Variants in RNF144B observed in about 807,000 individuals in gnomAD.
RNF144B encodes the protein E3 ubiquitin-protein ligase RNF144B.
RNF144B carries 25 observed loss-of-function variants against 40.2 expected under a neutral mutation model. That is an observed-to-expected ratio of 0.62 (90% CI 0.45 to 0.87). RNF144B has a LOEUF of 0.87. Ranked by LOEUF, RNF144B falls within the 40% of genes least tolerant of loss-of-function variation. The pLI, the probability that RNF144B is intolerant of heterozygous loss-of-function variation, is 0.00. For synonymous variants in RNF144B, 145 were observed against 136.3 expected, an observed-to-expected ratio of 1.06 and a Z score of -0.44; for missense variants, 365 against 373.7, an observed-to-expected ratio of 0.98 and a Z score of 0.19.
chr6:18,446,220 G>A lies in RNF144B; in HGVS notation c.331+6476G>A, dbSNP rs1398190258. Among the ~76,000 whole-genome samples, 1 of 152,146 alleles carries A rather than the reference G, an allele frequency of 6.6e-6. No individual in the cohort carries two copies. The highest frequency in any genetic ancestry group is 2.4e-5 in the African/African-American group (1 of 41,430). On this transcript the variant is annotated intron_variant, in intron 4 of 7. Coordinates refer to ENST00000259939, the MANE Select transcript of RNF144B (RefSeq NM_182757.4). This position sits in a 1 kb window ranked among gnomAD's most constrained non-coding sequence, Gnocchi z 4.7. ...GCCATGTGTATAATCTGTTACATGA[G>A]GTATATAAGACAAAACTATTCTCTT...
At chr6:18,411,663 C>T (rs1455587091) in intron 2 of RNF144B, among the ~76,000 whole-genome samples, 1 of 151,238 alleles carries the variant, frequency 6.6e-6, no homozygotes, top group Non-Finnish European at 1.5e-5. Flanking sequence ...GCCACCGCAC[C>T]CAACTAATTT....
chr6:18,465,265 T>G lies in RNF144B; in HGVS notation c.*198T>G, dbSNP rs1011239769. 6 of 595,854 alleles carry G rather than the reference T, an allele frequency of 1.0e-5. No homozygotes were observed. In the South Asian group the frequency reaches 1.3e-4, roughly 13 times the overall value. The allele number at this position is 595,854 out of a possible 1,614,324, so 36.9% of individuals were successfully genotyped here. A position where few individuals can be genotyped will look rare whatever the true frequency, so the allele number is the denominator to read the frequency against. ...GTGAGTGTTCCTGTGTAACAAGAAC[T>G]GGGCTCAACGGTCCAGCTGTTTCTA... On this transcript the variant is annotated 3_prime_UTR_variant, in exon 8 of 8. Coordinates refer to ENST00000259939, the MANE Select transcript of RNF144B (RefSeq NM_182757.4).
Position 18,465,145 on chromosome 6 carries a change from GC to G in RNF144B, c.*80del, listed in dbSNP as rs1223544750. 5 of 1,476,670 alleles carry G rather than the reference GC, an allele frequency of 3.4e-6. No homozygotes were observed. The highest frequency in any genetic ancestry group is 3.7e-6 in the Non-Finnish European group (4 of 1,079,570). 91.5% of individuals were successfully genotyped at this position (1,476,670 alleles called of 1,614,324 possible). On this transcript the variant is annotated 3_prime_UTR_variant, in exon 8 of 8. Transcript: ENST00000259939. ...TGATAAAGCCCCATTTAGTGACCTT[GC>G]CTCCTTCTCCTTGCCAACTTTGAAA...
At position 18,457,994 on chromosome 6, in the gene RNF144B, G is replaced by C. The variant is rs990690538; in HGVS notation, c.536+635G>C. ...GCTCTGTTGCCTAGACTGGAGTTCA[G>C]TGGCACGATCTCGGCTCACTGCAAC... On this transcript the variant is annotated intron_variant, in intron 5 of 7. Transcript: ENST00000259939. This position sits in a 1 kb window ranked among gnomAD's most constrained non-coding sequence, Gnocchi z 5.1. Among the ~76,000 whole-genome samples, 1 of 152,062 alleles carries C rather than the reference G, an allele frequency of 6.6e-6. No individual in the cohort carries two copies. Among genetic ancestry groups the C allele is most frequent in the African/African-American group, 2.4e-5 (1 of 41,376 alleles).
chr6:18,450,304 GTT>G lies in RNF144B; in HGVS notation c.332-6840_332-6839del, dbSNP rs11413565. Among the ~76,000 whole-genome samples, 1 of 146,310 alleles carries G rather than the reference GTT, an allele frequency of 6.8e-6. No homozygotes were observed. ...CAACTCTGATTTGTAGTGCTTGCCA[GTT>G]TTTTTTTTTTAGATGGAGTCTTGCT... On this transcript the variant is annotated intron_variant, in intron 4 of 7. Transcript: ENST00000259939. The surrounding 1 kb of genome is among the most constrained non-coding windows in gnomAD (Gnocchi z 4.7).
Position 18,406,418 on chromosome 6 carries a change from G to GGGAGTGTGC in RNF144B, c.165+6719_165+6720insGGAGTGTGC, listed in dbSNP as rs1794907211. ...GTCTTAAGTTGGGAGTGTGCTTGGT[G>GGGAGTGTGC]TATCCTGTTACAGCAAAGGAGGCTG... is the stretch of plus-strand genomic sequence containing the variant. On this transcript the variant is annotated intron_variant, in intron 2 of 7. Transcript: ENST00000259939. This position sits in a 1 kb window ranked among gnomAD's most constrained non-coding sequence, Gnocchi z 4.2. Among the ~76,000 whole-genome samples the GGGAGTGTGC allele has an allele frequency of 2.0e-5, 3 of 151,232 alleles. No homozygotes were observed. The highest frequency in any genetic ancestry group is 4.9e-5 in the African/African-American group (2 of 41,056).
At chr6:18,436,650 T>G (rs948341422) in intron 3 of RNF144B, among the ~76,000 whole-genome samples, 1 of 152,194 alleles carries the variant, frequency 6.6e-6, no homozygotes, top group Non-Finnish European at 1.5e-5. Flanking sequence ...TACCACAAGA[T>G]ACCTCTTCAT....
chr6:18,450,526 T>C lies in RNF144B; in HGVS notation c.332-6629T>C, dbSNP rs1759189175. Among the ~76,000 whole-genome samples, 1 of 152,208 alleles carries C rather than the reference T, an allele frequency of 6.6e-6. No homozygotes were observed. The highest frequency in any genetic ancestry group is 6.5e-5 in the Admixed American group (1 of 15,278). Reference sequence around the variant, plus strand: ...GTTGGCCAGGCTGGTCTCGAACTCCTGACCTCAGGTGATCCACCCACCTCG... The same window carrying C: ...GTTGGCCAGGCTGGTCTCGAACTCCCGACCTCAGGTGATCCACCCACCTCG... On this transcript the variant is annotated intron_variant, in intron 4 of 7. Transcript: ENST00000259939. This position sits in a 1 kb window ranked among gnomAD's most constrained non-coding sequence, Gnocchi z 4.7.
rs1437205319 is a variant in RNF144B, at chr6:18,412,391, A to T, written c.165+12692A>T. Among the ~76,000 whole-genome samples, 1 of 152,226 alleles carries T rather than the reference A, an allele frequency of 6.6e-6. No homozygotes were observed. The highest frequency in any genetic ancestry group is 1.5e-5 in the Non-Finnish European group (1 of 68,044). ...TCTCATGAATCTATCTTTAAAAAAC[A>T]TACAGTATGCTCAGTGCCAGTATAG... On this transcript the variant is annotated intron_variant, in intron 2 of 7. Coordinates refer to ENST00000259939, the MANE Select transcript of RNF144B (RefSeq NM_182757.4). This position sits in a 1 kb window ranked among gnomAD's most constrained non-coding sequence, Gnocchi z 4.2.
intron 4 of RNF144B, among the ~76,000 whole-genome samples, chr6:18,453,339 A>G (rs1030054982): frequency 4.1e-5 from 6 of 146,906 alleles, no homozygotes; most frequent in African/African-American, 1.3e-4. Flanking sequence ...GGGTTTCACC[A>G]TGTTGGCCAG....
At position 18,458,788 on chromosome 6, in the gene RNF144B, T is replaced by C. The variant is rs890982687; in HGVS notation, c.537-819T>C. Among the ~76,000 whole-genome samples the C allele has an allele frequency of 4.6e-5, 7 of 152,208 alleles. No homozygotes were observed. The highest frequency in any genetic ancestry group is 1.7e-4 in the African/African-American group (7 of 41,460). Reference sequence around the variant, plus strand: ...CTCAGTGTTTTCAGATTTTGAAATATTTTCATGATATGTTTATTGGTTAAG... The same window carrying C: ...CTCAGTGTTTTCAGATTTTGAAATACTTTCATGATATGTTTATTGGTTAAG... On this transcript the variant is annotated intron_variant, in intron 5 of 7. Coordinates refer to ENST00000259939, the MANE Select transcript of RNF144B (RefSeq NM_182757.4). This position sits in a 1 kb window ranked among gnomAD's most constrained non-coding sequence, Gnocchi z 4.8.
At position 18,458,520 on chromosome 6, in the gene RNF144B, A is replaced by T. The variant is rs1759382145; in HGVS notation, c.537-1087A>T. Among the ~76,000 whole-genome samples, 1 of 152,200 alleles carries T rather than the reference A, an allele frequency of 6.6e-6. No homozygotes were observed. The highest frequency in any genetic ancestry group is 2.1e-4 in the South Asian group (1 of 4,832). ...GGCAGGCATGTGCCCTCTTAGCCGGATTCAAACCACTGTTGCCTACATTTT... is the reference window on the plus strand; with the variant it reads ...GGCAGGCATGTGCCCTCTTAGCCGGTTTCAAACCACTGTTGCCTACATTTT... On this transcript the variant is annotated intron_variant, in intron 5 of 7. Coordinates refer to ENST00000259939, the MANE Select transcript of RNF144B (RefSeq NM_182757.4). The surrounding 1 kb of genome is among the most constrained non-coding windows in gnomAD (Gnocchi z 4.8).
At chr6:18,391,473 G>A (rs1794578263) in intron 1 of RNF144B, among the ~76,000 whole-genome samples, 1 of 152,144 alleles carries the variant, frequency 6.6e-6, no homozygotes, top group Non-Finnish European at 1.5e-5. Flanking sequence ...CACCTTCTTT[G>A]ATAAGTTTAT....
chr6:18,441,034 T>C lies in RNF144B; in HGVS notation c.331+1290T>C, dbSNP rs528712594. On this transcript the variant is annotated intron_variant, in intron 4 of 7. Transcript: ENST00000259939. This position sits in a 1 kb window ranked among gnomAD's most constrained non-coding sequence, Gnocchi z 4.9. ...GGAGTCAGAAGGATTTTTGGTTTAA[T>C]GGATGATGACATAATCTGATGCTTC... Among the ~76,000 whole-genome samples, 1 of 152,260 alleles carries C rather than the reference T, an allele frequency of 6.6e-6. No individual in the cohort carries two copies. Among genetic ancestry groups the C allele is most frequent in the Admixed American group, 6.5e-5 (1 of 15,284 alleles).
intron 4 of RNF144B, among the ~76,000 whole-genome samples, chr6:18,451,717 G>C (rs977480278): frequency 6.6e-6 from 1 of 152,192 alleles, no homozygotes; most frequent in Non-Finnish European, 1.5e-5. Flanking sequence ...GATTTGAGTG[G>C]ATAGGAATGA....
At position 18,457,887 on chromosome 6, in the gene RNF144B, C is replaced by T. The variant is rs1759365207; in HGVS notation, c.536+528C>T. Among the ~76,000 whole-genome samples the T allele has an allele frequency of 6.6e-6, 1 of 151,992 alleles. No homozygotes were observed. The highest frequency in any genetic ancestry group is 2.4e-5 in the African/African-American group (1 of 41,370). Reference sequence around the variant, plus strand: ...TGCTCTGTAAAGGTTGAGATTTTATCGTGATAGGAAGCAATTAAATCTGTA... The same window carrying T: ...TGCTCTGTAAAGGTTGAGATTTTATTGTGATAGGAAGCAATTAAATCTGTA... On this transcript the variant is annotated intron_variant, in intron 5 of 7. Coordinates refer to ENST00000259939, the MANE Select transcript of RNF144B (RefSeq NM_182757.4). The surrounding 1 kb of genome is among the most constrained non-coding windows in gnomAD (Gnocchi z 5.1).
At chr6:18,445,162 AT>A (rs1359795130) in intron 4 of RNF144B, among the ~76,000 whole-genome samples, 2 of 152,164 alleles carry the variant, frequency 1.3e-5, no homozygotes, top group Non-Finnish European at 2.9e-5. Flanking sequence ...ACTCAAGTGC[AT>A]GGTGTTTCCC....
Position 18,446,266 on chromosome 6 carries a change from A to C in RNF144B, c.331+6522A>C, listed in dbSNP as rs1759079430. 6.7e-6 allele frequency among the ~76,000 whole-genome samples: 1 copy of C among 150,276 alleles called. No homozygotes were observed. The highest frequency in any genetic ancestry group is 1.5e-5 in the Non-Finnish European group (1 of 67,038). On this transcript the variant is annotated intron_variant, in intron 4 of 7. Coordinates refer to ENST00000259939, the MANE Select transcript of RNF144B (RefSeq NM_182757.4). The surrounding 1 kb of genome is among the most constrained non-coding windows in gnomAD (Gnocchi z 4.7). ...CTCTTAATGGGATACTGGAATTATAATACATTTCCTTAAAAAACCCAGCTC... is the reference window on the plus strand; with the variant it reads ...CTCTTAATGGGATACTGGAATTATACTACATTTCCTTAAAAAACCCAGCTC...
chr6:18,453,569 C>T (rs1247861091), intron 4 of RNF144B, among the ~76,000 whole-genome samples: 1 of 152,020 alleles, frequency 6.6e-6, no homozygotes, highest in Non-Finnish European at 1.5e-5. Flanking sequence ...ATTATTTGCT[C>T]ACCTACATAG....
Sources: gnomAD v4.1 joint callset for allele counts (sites outside exome capture counted in the v4.1 genomes callset) on GRCh38, gnomAD v4.1.1 for gene constraint, Gnocchi (gnomAD v3.1) non-coding constraint, MANE v1.5 for transcripts, NCBI Gene and HGNC (gene_info 2026-07-23, HGNC 2026-07-21) for gene names.